Variants in ASMT observed in about 807,000 individuals in gnomAD.
ASMT encodes the protein acetylserotonin N-methyltransferase.
ASMT carries 53 observed loss-of-function variants against 41.3 expected under a neutral mutation model. The observed-to-expected ratio is 1.28, with a 90% confidence interval of 1.03 to 1.61. The LOEUF is 1.61. ASMT is among the 40% of genes most tolerant of loss of function. The pLI is 0.00. For missense variants in ASMT, 531 were observed against 441.3 expected, an observed-to-expected ratio of 1.20 and a Z score of -1.82; for synonymous variants, 231 against 184.8, an observed-to-expected ratio of 1.25 and a Z score of -2.03.
At chrX:1,621,377 G>C (rs1934332449) in intron 1 of ASMT, among the ~76,000 whole-genome samples, 1 of 151,704 alleles carries the variant, frequency 6.6e-6, no homozygotes, top group South Asian at 2.1e-4. Flanking sequence ...GAGTGCAGTG[G>C]CGCGATCTTG....
intron 1 of ASMT, among the ~76,000 whole-genome samples, chrX:1,616,131 C>T (rs1260769674): frequency 1.3e-5 from 2 of 151,102 alleles, no homozygotes; most frequent in African/African-American, 2.5e-5. Flanking sequence ...AGGGTTCAGG[C>T]TATTCTCCTG....
chrX:1,632,709 T>C lies in ASMT; in HGVS notation c.568T>C (p.Trp190Arg), dbSNP rs6588809. 0.44 allele frequency: 108,028 copies of C among 243,960 alleles called. 23,649 individuals are homozygous for C. Among genetic ancestry groups the C allele is most frequent in the Middle Eastern group, 0.54 (329 of 604 alleles). The allele number at this position is 243,960 out of a possible 1,614,324, so 15.1% of individuals were successfully genotyped here. ...TGCGTTCATGTCCTTTGCAGGGACATGGATAAAGCTGGAAACCATCATTCT... is the reference window on the plus strand; with the variant it reads ...TGCGTTCATGTCCTTTGCAGGGACACGGATAAAGCTGGAAACCATCATTCT... ...FPLMCDLGGT[W>R]IKLETIILSK... The change falls in exon 6 of 9, where the codon TGG (tryptophan) becomes CGG (arginine). Residue 190 changes from tryptophan to arginine, a missense_variant. Trp to Arg is a moderately radical substitution (Grantham distance 101). Transcript: ENST00000381241.
At chrX:1,623,735 G>T (rs752125692) in intron 2 of ASMT, among the ~76,000 whole-genome samples, 4 of 151,408 alleles carry the variant, frequency 2.6e-5, no homozygotes, top group Middle Eastern at 6.8e-3. Context: ...CCTGGGCCAC[G>T]TATTTTTAAT....
At chrX:1,622,138 C>G (rs1241304193) in intron 1 of ASMT, among the ~76,000 whole-genome samples, 2 of 150,904 alleles carry the variant, frequency 1.3e-5, no homozygotes, top group Non-Finnish European at 3.0e-5. Context: ...GATACAGGTG[C>G]GCACCACCAT....
intron 1 of ASMT, among the ~76,000 whole-genome samples, chrX:1,622,363 T>TC (rs1411282789): frequency 1.3e-5 from 2 of 150,596 alleles, no homozygotes; most frequent in Non-Finnish European, 3.0e-5. Flanking sequence ...AGATCTCGGC[T>TC]CACTGCAACC....
intron 1 of ASMT, among the ~76,000 whole-genome samples, chrX:1,617,201 G>C (rs1409638480): frequency 6.6e-6 from 1 of 151,800 alleles, no homozygotes; most frequent in Non-Finnish European, 1.5e-5. Context: ...GGGCGCGGTG[G>C]CTCATGCCTG....
chrX:1,623,071 G>T, intron 1 of ASMT, 68 bp from the exon 2 acceptor site: 1 of 1,503,418 alleles, frequency 6.7e-7, no homozygotes, highest in Non-Finnish European at 9.2e-7. Flanking sequence ...CCATGGTATG[G>T]GGTGTTTCTA....
At chrX:1,617,843 A>G (rs1251625489) in intron 1 of ASMT, among the ~76,000 whole-genome samples, 9 of 151,788 alleles carry the variant, frequency 5.9e-5, no homozygotes, top group Non-Finnish European at 1.2e-4. Context: ...TCGAACTCCC[A>G]ACCTCAGGTG....
At chrX:1,623,831 T>G (rs1743286094) in intron 2 of ASMT, among the ~76,000 whole-genome samples, 2 of 151,788 alleles carry the variant, frequency 1.3e-5, no homozygotes, top group African/African-American at 4.8e-5. Flanking sequence ...TTATTTTTAG[T>G]AGAGACAGGA....
chrX:1,635,109 G>C (rs1934911428), intron 7 of ASMT, among the ~76,000 whole-genome samples: 2 of 150,394 alleles, frequency 1.3e-5, no homozygotes. Context: ...CGAGTAGCTG[G>C]GACTACAGGC....
intron 7 of ASMT, among the ~76,000 whole-genome samples, chrX:1,633,796 A>T (rs1483143765): frequency 6.6e-6 from 1 of 151,852 alleles, no homozygotes; most frequent in Non-Finnish European, 1.5e-5. Context: ...CCACCACCAC[A>T]CCTGGCTAAT....
chrX:1,629,776 T>TC (rs1934699517), intron 4 of ASMT, 45 bp from the exon 5 acceptor site: 1 of 1,582,648 alleles, frequency 6.3e-7, no homozygotes, highest in African/African-American at 1.3e-5. Context: ...TCTGGGCACG[T>TC]CCCCAGATCC....
chrX:1,616,914 T>G (rs1254575470), intron 1 of ASMT, among the ~76,000 whole-genome samples: 2 of 151,846 alleles, frequency 1.3e-5, no homozygotes, highest in African/African-American at 2.4e-5. Context: ...TTCACCGTGT[T>G]AGCCAGGATG....
intron 1 of ASMT, among the ~76,000 whole-genome samples, chrX:1,622,856 G>A (rs1337186355): frequency 1.3e-5 from 2 of 151,840 alleles, no homozygotes; most frequent in Non-Finnish European, 2.9e-5. Flanking sequence ...AGGTTGCAGT[G>A]AGCCGAGACC....
intron 6 of ASMT, 123 bp from the exon 7 acceptor site, chrX:1,633,027 C>G (rs1934835850): frequency 9.1e-7 from 1 of 1,102,930 alleles, no homozygotes; most frequent in Non-Finnish European, 1.4e-6. Context: ...AAAAAAAAGA[C>G]CAGACATGGC....
At chrX:1,642,091 CTGTGTGTG>C (rs1174897365) in intron 8 of ASMT, among the ~76,000 whole-genome samples, 2 of 139,544 alleles carry the variant, frequency 1.4e-5, no homozygotes, top group African/African-American at 2.7e-5. Context: ...GGCACAGCCT[CTGTGTGTG>C]TGTGTGTGAT....
intron 1 of ASMT, 65 bp downstream of exon 1, chrX:1,615,333 T>C: frequency 7.0e-7 from 1 of 1,437,370 alleles, no homozygotes; most frequent in South Asian, 1.2e-5. Context: ...GTTCCATTGT[T>C]GTGTCAGTCG....
intron 3 of ASMT, among the ~76,000 whole-genome samples, chrX:1,625,289 A>T (rs1426323890): frequency 2.0e-5 from 3 of 151,400 alleles, no homozygotes; most frequent in Admixed American, 6.6e-5. Context: ...TGTTTTTGGT[A>T]GAGACGGGGT....
At chrX:1,634,440 G>A (rs1934885171) in intron 7 of ASMT, among the ~76,000 whole-genome samples, 1 of 152,172 alleles carries the variant, frequency 6.6e-6, no homozygotes, top group Non-Finnish European at 1.5e-5. Flanking sequence ...CACCCTGCAT[G>A]GCTGACTCCA....
Sources: gnomAD v4.1 joint callset for allele counts (sites outside exome capture counted in the v4.1 genomes callset) on GRCh38, gnomAD v4.1.1 for gene constraint, MANE v1.5 for transcripts, NCBI Gene and HGNC (gene_info 2026-07-23, HGNC 2026-07-21) for gene names.